PDE4C: variants seen among roughly 807,000 people sequenced by gnomAD.
PDE4C encodes phosphodiesterase 4C, also known as 3',5'-cyclic-AMP phosphodiesterase 4C.
In PDE4C, 50 loss-of-function variants were observed where a neutral mutation model predicts 63.9. That is an observed-to-expected ratio of 0.78 (90% CI 0.62 to 0.99). The LOEUF (loss-of-function observed/expected upper bound fraction) is 0.99, where lower values mean the gene tolerates loss of function less well. PDE4C is among the 50% of genes least tolerant of loss of function. The pLI is 0.00. For synonymous variants in PDE4C, 377 were observed against 385.1 expected (o/e 0.98, Z 0.25); for missense variants, 777 against 899.1 (o/e 0.86, Z 1.74).
chr19:18,244,569 A>G (rs1447178950), intron 1 of PDE4C, among the ~76,000 whole-genome samples: 3 of 151,076 alleles, frequency 2.0e-5, no homozygotes, highest in Non-Finnish European at 3.0e-5. Context: ...CTGGAGTGCA[A>G]TGACGCGATC....
At chr19:18,209,094 G>C (rs1447678935), downstream of PDE4C, 1 of 151,742 alleles carries the variant, frequency 6.6e-6, no homozygotes, top group Non-Finnish European at 1.5e-5. Context: ...GCCGGGCACA[G>C]AGCCCCCTCT....
At chr19:18,253,550 C>CA in the PDE4C span, among the ~76,000 whole-genome samples, 55 of 123,764 alleles carry the variant, frequency 4.4e-4, no homozygotes, top group East Asian at 8.8e-3. Context: ...GACTCCGTCT[C>CA]AAAAAAAAAA....
chr19:18,233,669 T>G, exon 1 of PDE4C: 1 of 353,392 alleles, frequency 2.8e-6, no homozygotes, highest in South Asian at 2.1e-5. Context: ...AAAAGGTAGC[T>G]TTGGGTTCTC....
At position 18,243,616 on chromosome 19, in the gene PDE4C, G is replaced by C. The variant is rs149615901; in HGVS notation, c.-210+4555C>G. ...AATGTTTGGATCTGGAATTATGGGG[G>C]ACCTGGCTCAACTGAAGGTGAAACA... On this transcript the variant is annotated intron_variant, in intron 1 of 15. Transcript: ENST00000594617. Among the ~76,000 whole-genome samples the C allele has an allele frequency of 1.6e-3, 248 of 152,242 alleles. 2 individuals are homozygous for C. Among genetic ancestry groups the C allele is most frequent in the African/African-American group, 5.7e-3 (237 of 41,542 alleles).
exon 1 of PDE4C, chr19:18,226,284 C>A: frequency 6.4e-7 from 1 of 1,566,366 alleles, no homozygotes; most frequent in African/African-American, 1.4e-5. Context: ...GCGGATGGGC[C>A]ACCGTGAAGC....
upstream of PDE4C, among the ~76,000 whole-genome samples, chr19:18,236,029 G>A (rs561710585): frequency 9.3e-5 from 14 of 151,298 alleles, 1 homozygote; most frequent in South Asian, 6.3e-4. Flanking sequence ...TGCAAGCTCT[G>A]CCTCCCGGGT....
chr19:18,226,604 C>A, upstream of PDE4C: 1 of 347,712 alleles, frequency 2.9e-6, no homozygotes, highest in Admixed American at 6.0e-5. Context: ...ACTCTCTGCT[C>A]CTTTTTTTTT....
rs10413646 is a variant in PDE4C, at chr19:18,222,174, G to A, written c.296C>T (p.Ser99Leu). The change falls in exon 2 of 15, where the codon TCG becomes TTG. Residue 99 changes from serine (S) to leucine (L), a missense_variant. Transcript: ENST00000262805. ...GGAGTTCCGAGACATGGCCTTGGGC[G>A]AGAGTTCATAGTCGCTATCTGAGCG... 5.6e-4 allele frequency: 901 copies of A among 1,613,970 alleles called. 9 individuals are homozygous for A. The African/African-American group carries it at 9.1e-3, about 16-fold the overall frequency.
Position 18,212,767 on chromosome 19 carries a change from C to T in PDE4C, c.1512+601G>A, listed in dbSNP as rs541164288. ...GCAGTGGGGTGATTTCGGCTCACTG[C>T]AACCTCTACCTCCCAGGTTCAAGCA... On this transcript the variant is annotated intron_variant, in intron 13 of 14. Coordinates refer to ENST00000262805, the Ensembl canonical transcript of PDE4C. 1.5e-3 allele frequency among the ~76,000 whole-genome samples: 228 copies of T among 151,842 alleles called. 2 individuals are homozygous for T. Among genetic ancestry groups the T allele is most frequent in the African/African-American group, 5.3e-3 (218 of 41,490 alleles).
the PDE4C span, among the ~76,000 whole-genome samples, chr19:18,254,604 C>T: frequency 2.0e-5 from 3 of 152,176 alleles, no homozygotes; most frequent in Non-Finnish European, 2.9e-5. Context: ...GAATGAAACC[C>T]TTCCCTGCAA....
chr19:18,252,596 C>A, upstream of PDE4C: 2 of 394,172 alleles, frequency 5.1e-6, no homozygotes, highest in Non-Finnish European at 4.4e-6. Context: ...GAGACCCTCT[C>A]TCTCTCTCTT....
At chr19:18,214,553 T>C (rs1968107435) in intron 12 of PDE4C, among the ~76,000 whole-genome samples, 1 of 151,974 alleles carries the variant, frequency 6.6e-6, no homozygotes, top group Non-Finnish European at 1.5e-5. Context: ...ACAGGGGAGT[T>C]TGCAGCTCAC....
At chr19:18,224,055 T>G (rs1156741391) in intron 1 of PDE4C, among the ~76,000 whole-genome samples, 1 of 152,200 alleles carries the variant, frequency 6.6e-6, no homozygotes, top group African/African-American at 2.4e-5. Context: ...GCCTGTTATC[T>G]TCCACCTCCG....
chr19:18,211,780 C>T lies in PDE4C; in HGVS notation c.1674G>A (p.Thr558=), dbSNP rs138829192. 471 of 1,614,230 alleles carry T rather than the reference C, an allele frequency of 2.9e-4. No individual in the cohort carries two copies. The African/African-American group carries it at 5.0e-3, about 17-fold the overall frequency. Residue 558 remains threonine (T), a synonymous_variant, in exon 14 of 15, where the codon ACG becomes ACA. Coordinates refer to ENST00000262805, the Ensembl canonical transcript of PDE4C. ...CAACCTGGGACTTCTCCACTGAGGCCGTATGCTTGTCACACATGGGACTGA... is the reference window on the plus strand; with the variant it reads ...CAACCTGGGACTTCTCCACTGAGGCTGTATGCTTGTCACACATGGGACTGA...
intron 1 of PDE4C, among the ~76,000 whole-genome samples, chr19:18,243,918 C>T (rs1600104849): frequency 6.6e-6 from 1 of 150,944 alleles, no homozygotes; most frequent in Non-Finnish European, 1.5e-5. Context: ...GCAGTGGTGC[C>T]ATCTCGGCTC....
At chr19:18,218,957 T>G in exon 9 of PDE4C, 1 of 1,613,434 alleles carries the variant, frequency 6.2e-7, no homozygotes. Context: ...ATGCTGAATA[T>G]GATAGCTGTG....
exon 12 of PDE4C, chr19:18,216,846 A>G: frequency 6.2e-7 from 1 of 1,614,092 alleles, no homozygotes; most frequent in Non-Finnish European, 8.5e-7. Context: ...CAGCCAGGTG[A>G]TGGTTCTCCA....
exon 13 of PDE4C, chr19:18,213,475 T>C: frequency 1.2e-6 from 2 of 1,612,594 alleles, no homozygotes; most frequent in Non-Finnish European, 8.5e-7. Flanking sequence ...TGTTTGGACA[T>C]GTCTGTGGCC....
At chr19:18,228,792 C>T (rs1281153754), upstream of PDE4C, among the ~76,000 whole-genome samples, 1 of 152,200 alleles carries the variant, frequency 6.6e-6, no homozygotes, top group South Asian at 2.1e-4. Context: ...GCTCTCCAAG[C>T]CCCGCTGGGT....
Sources: gnomAD v4.1 joint callset for allele counts (sites outside exome capture counted in the v4.1 genomes callset) on GRCh38, gnomAD v4.1.1 for gene constraint, MANE v1.5 for transcripts, NCBI Gene and HGNC (gene_info 2026-07-23, HGNC 2026-07-21) for gene names.